Variants in IGF2BP2 observed in about 807,000 individuals in gnomAD.
IGF2BP2 encodes insulin-like growth factor 2 mRNA-binding protein 2.
Under a neutral mutation model 75.8 loss-of-function variants are expected in IGF2BP2, and 17 were observed. The observed-to-expected ratio is 0.22, with a 90% CI of 0.15 to 0.34. The LOEUF is 0.34. Ranked by LOEUF, IGF2BP2 falls within the 10% of genes least tolerant of loss-of-function variation. IGF2BP2 has a pLI of 1.00. For synonymous variants in IGF2BP2, 288 were observed against 295.6 expected (o/e 0.97, Z 0.26); for missense variants, 516 against 772.4 (o/e 0.67, Z 3.93).
intron 8 of IGF2BP2, 47 bp from the exon 9 acceptor site, chr3:185,675,478 T>C: frequency 6.3e-7 from 1 of 1,584,250 alleles, no homozygotes; most frequent in Non-Finnish European, 8.5e-7. Flanking sequence ...ACGGGAAAAA[T>C]AAAATGCCCA....
At chr3:185,767,453 A>G (rs1733240047) in intron 2 of IGF2BP2, among the ~76,000 whole-genome samples, 1 of 152,216 alleles carries the variant, frequency 6.6e-6, no homozygotes, top group Non-Finnish European at 1.5e-5. Flanking sequence ...AGTTATGTAA[A>G]TAAATTATAA....
chr3:185,778,967 C>T (rs1360015508), intron 2 of IGF2BP2, among the ~76,000 whole-genome samples: 1 of 152,124 alleles, frequency 6.6e-6, no homozygotes, highest in Non-Finnish European at 1.5e-5. Context: ...CCAGAGCTAA[C>T]ACACTACCAT....
chr3:185,800,109 G>C (rs1291373747), intron 2 of IGF2BP2, among the ~76,000 whole-genome samples: 2 of 152,158 alleles, frequency 1.3e-5, no homozygotes, highest in Non-Finnish European at 2.9e-5. Flanking sequence ...TAAAAAGAAT[G>C]AGTCCATGTC....
intron 2 of IGF2BP2, among the ~76,000 whole-genome samples, chr3:185,746,536 C>T (rs535775734): frequency 2.0e-5 from 3 of 152,288 alleles, no homozygotes; most frequent in East Asian, 3.9e-4. Flanking sequence ...CACTGGAACA[C>T]GGGTCCAAAC....
intron 2 of IGF2BP2, among the ~76,000 whole-genome samples, chr3:185,791,219 C>T (rs1736600558): frequency 6.6e-6 from 1 of 152,180 alleles, no homozygotes; most frequent in Admixed American, 6.5e-5. Context: ...ATTAACAAAC[C>T]TTTGATGAAT....
chr3:185,646,810 A>G, intron 15 of IGF2BP2: 1 of 579,020 alleles, frequency 1.7e-6, no homozygotes, highest in South Asian at 2.0e-5. Flanking sequence ...CCAAGCTCCT[A>G]GCATACATAC....
chr3:185,794,751 A>ACCAT, intron 2 of IGF2BP2, among the ~76,000 whole-genome samples: 4 of 151,930 alleles, frequency 2.6e-5, no homozygotes, highest in Admixed American at 2.6e-4. Flanking sequence ...AACCATCACC[A>ACCAT]CCATCCATCT....
At chr3:185,676,987 G>A (rs1366323415) in intron 7 of IGF2BP2, among the ~76,000 whole-genome samples, 1 of 132,534 alleles carries the variant, frequency 7.5e-6, no homozygotes, top group African/African-American at 2.8e-5. Context: ...CATATATATG[G>A]AGATATATAT....
At chr3:185,773,239 GCT>G (rs1734115636) in intron 2 of IGF2BP2, among the ~76,000 whole-genome samples, 1 of 152,092 alleles carries the variant, frequency 6.6e-6, no homozygotes, top group African/African-American at 2.4e-5. Flanking sequence ...CCATTTACCT[GCT>G]CTGTGTGTTG....
chr3:185,779,353 C>T (rs1734919013), intron 2 of IGF2BP2, among the ~76,000 whole-genome samples: 2 of 152,148 alleles, frequency 1.3e-5, no homozygotes, highest in Non-Finnish European at 2.9e-5. Context: ...AACAGATCTA[C>T]AGCACCCTTC....
At chr3:185,720,183 T>G (rs1294997943) in intron 2 of IGF2BP2, among the ~76,000 whole-genome samples, 1 of 152,232 alleles carries the variant, frequency 6.6e-6, no homozygotes, top group African/African-American at 2.4e-5. Flanking sequence ...AAGAAAGGGC[T>G]ACCAGCTAAG....
At chr3:185,786,373 C>T (rs1054115869) in intron 2 of IGF2BP2, among the ~76,000 whole-genome samples, 6 of 152,070 alleles carry the variant, frequency 3.9e-5, no homozygotes, top group African/African-American at 1.5e-4. Context: ...GTCCACATGG[C>T]CTGAAGCAAG....
intron 2 of IGF2BP2, among the ~76,000 whole-genome samples, chr3:185,791,747 C>T (rs1289313109): frequency 6.6e-6 from 1 of 152,244 alleles, no homozygotes; most frequent in African/African-American, 2.4e-5. Context: ...TCCTAACCAG[C>T]CACTGACTGC....
chr3:185,706,298 A>G lies in IGF2BP2; in HGVS notation c.240-7951T>C, dbSNP rs9836216. 7.1e-3 allele frequency among the ~76,000 whole-genome samples: 1,086 copies of G among 152,312 alleles called. 18 individuals carry two copies. The highest frequency in any genetic ancestry group is 0.024 in the African/African-American group (978 of 41,570). ...ATGCCTGTAGTCCTAGCTACTTGGG[A>G]GGCTGAGGTGTGAGGATCACTTGAG... On this transcript the variant is annotated intron_variant, in intron 2 of 15. Transcript: ENST00000382199.
intron 2 of IGF2BP2, among the ~76,000 whole-genome samples, chr3:185,734,456 G>A (rs184301409): frequency 3.8e-4 from 57 of 149,002 alleles, no homozygotes; most frequent in South Asian, 3.2e-3. Context: ...TTCCACAATC[G>A]TTCAGCGTCT....
chr3:185,752,013 TGTAG>T (rs1397457921), intron 2 of IGF2BP2, among the ~76,000 whole-genome samples: 1 of 152,176 alleles, frequency 6.6e-6, no homozygotes, highest in African/African-American at 2.4e-5. Flanking sequence ...CTATTAGTTG[TGTAG>T]GTATTTATGA....
intron 2 of IGF2BP2, among the ~76,000 whole-genome samples, chr3:185,807,899 T>C (rs1476088725): frequency 1.3e-5 from 2 of 152,124 alleles, no homozygotes; most frequent in East Asian, 3.9e-4. Flanking sequence ...TTGACTGCCA[T>C]CTCCTGAAAG....
chr3:185,652,029 T>C, intron 13 of IGF2BP2, 65 bp downstream of exon 13: 2 of 1,292,398 alleles, frequency 1.5e-6, no homozygotes, highest in Non-Finnish European at 2.2e-6. Context: ...GAGCCTTGAA[T>C]GTGCCTCTGA....
chr3:185,793,143 T>C (rs144156663), intron 2 of IGF2BP2, among the ~76,000 whole-genome samples: 256 of 152,310 alleles, frequency 1.7e-3, no homozygotes, highest in Admixed American at 2.8e-3. Context: ...ATTATATGGC[T>C]TCCTACATTA....
Sources: allele counts gnomAD v4.1 joint callset (sites outside exome capture counted in the v4.1 genomes callset), GRCh38; gene constraint gnomAD v4.1.1; transcripts MANE v1.5; gene names NCBI Gene and HGNC (gene_info 2026-07-23, HGNC 2026-07-21).